The following SBF2 variants were observed in gnomAD, a reference collection of about 807,000 sequenced individuals.
SBF2 encodes the protein myotubularin-related protein 13.
A neutral mutation model predicts 225.2 loss-of-function variants in SBF2; 112 were observed. The ratio of observed to expected loss-of-function variants is 0.50; its 90% CI spans 0.43 to 0.58. The LOEUF (loss-of-function observed/expected upper bound fraction) is 0.58, where lower values mean the gene tolerates loss of function less well. SBF2 is among the 20% of genes least tolerant of loss of function. SBF2 has a pLI of 0.00. For missense variants in SBF2, 1,996 were observed against 2,206.2 expected (o/e 0.90, Z 1.91); for synonymous variants, 763 against 773.3 (o/e 0.99, Z 0.22).
At chr11:10,281,495 T>G (rs181442122) in intron 1 of SBF2, among the ~76,000 whole-genome samples, 1 of 152,250 alleles carries the variant, frequency 6.6e-6, no homozygotes, top group Admixed American at 6.5e-5. Context: ...CTCTTATGCA[T>G]GTCCACATGA....
At chr11:9,993,618 T>C (rs1565105849) in intron 10 of SBF2, among the ~76,000 whole-genome samples, 1 of 152,254 alleles carries the variant, frequency 6.6e-6, no homozygotes, top group Non-Finnish European at 1.5e-5. Flanking sequence ...CCATTTCAAT[T>C]TGATGCTTGG....
intron 2 of SBF2, among the ~76,000 whole-genome samples, chr11:10,154,792 G>A (rs1955389349): frequency 6.6e-6 from 1 of 152,072 alleles, no homozygotes; most frequent in African/African-American, 2.4e-5. Context: ...CTAGCCTAAT[G>A]GCCTTAGAAA....
At chr11:9,938,117 C>A (rs1249705031) in intron 16 of SBF2, among the ~76,000 whole-genome samples, 1 of 151,836 alleles carries the variant, frequency 6.6e-6, no homozygotes, top group Non-Finnish European at 1.5e-5. Context: ...CAGTGAAACC[C>A]CGTCTCCACT....
At chr11:9,860,261 GTTTTT>G (rs66485704) in intron 17 of SBF2, among the ~76,000 whole-genome samples, 1 of 127,410 alleles carries the variant, frequency 7.8e-6, no homozygotes. Context: ...TTTTGAAACA[GTTTTT>G]TTTTTTTTTT....
At chr11:9,929,818 G>C (rs985128362) in intron 16 of SBF2, among the ~76,000 whole-genome samples, 8 of 152,156 alleles carry the variant, frequency 5.3e-5, no homozygotes, top group Non-Finnish European at 1.0e-4. Context: ...CTTTCCAAGA[G>C]TTCGTTGAAT....
intron 1 of SBF2, among the ~76,000 whole-genome samples, chr11:10,211,026 A>AAAAAAAAAG (rs1565358836): frequency 6.7e-6 from 1 of 149,244 alleles, no homozygotes; most frequent in Non-Finnish European, 1.5e-5. Flanking sequence ...AAAAAAAAAA[A>AAAAAAAAAG]AAAAAAAAAG....
intron 1 of SBF2, among the ~76,000 whole-genome samples, chr11:10,225,444 A>G (rs1301252869): frequency 6.6e-6 from 1 of 152,000 alleles, no homozygotes; most frequent in Non-Finnish European, 1.5e-5. Context: ...TGGTATAACA[A>G]TGTTCTTAAG....
chr11:9,855,694 T>C (rs1430483561), intron 19 of SBF2, among the ~76,000 whole-genome samples: 1 of 152,076 alleles, frequency 6.6e-6, no homozygotes, highest in Non-Finnish European at 1.5e-5. Flanking sequence ...AATCAGGTTG[T>C]AAAAAATGAC....
At chr11:9,976,069 C>CTT (rs1425127093) in intron 13 of SBF2, among the ~76,000 whole-genome samples, 258 of 139,588 alleles carry the variant, frequency 1.8e-3, no homozygotes, top group African/African-American at 6.2e-3. Flanking sequence ...TCTTCTTCTT[C>CTT]TTCTTTTTTT....
intron 1 of SBF2, among the ~76,000 whole-genome samples, chr11:10,277,821 G>A (rs1963084504): frequency 6.6e-6 from 1 of 152,196 alleles, no homozygotes; most frequent in African/African-American, 2.4e-5. Flanking sequence ...TGCTGGAAGA[G>A]GGAAAGGAAG....
chr11:9,818,911 G>C (rs1191235970), intron 28 of SBF2, among the ~76,000 whole-genome samples: 1 of 151,690 alleles, frequency 6.6e-6, no homozygotes, highest in Non-Finnish European at 1.5e-5. Flanking sequence ...TAGTAGAGAT[G>C]GGGTTTCACC....
At chr11:10,301,948 A>T (rs1964602421) in intron 1 of SBF2, among the ~76,000 whole-genome samples, 2 of 152,200 alleles carry the variant, frequency 1.3e-5, no homozygotes, top group African/African-American at 2.4e-5. Context: ...GAAATTCTGG[A>T]GCACACAAAA....
chr11:10,019,795 A>C (rs570422120), intron 6 of SBF2, among the ~76,000 whole-genome samples: 109 of 152,336 alleles, frequency 7.2e-4, no homozygotes, highest in Non-Finnish European at 1.1e-3. Context: ...CATTTCAGTA[A>C]AAAGGATAAA....
chr11:10,029,852 G>A lies in SBF2; in HGVS notation c.426C>T (p.Thr142=), dbSNP rs1368217756. ...IFRACLGLIY[T]VYVDSLNVSL... ...AGACATTCAGGCTGTCCACATACAC[G>A]GTATAGATCAAACCCAGGCAAGCCT... The change falls in exon 5 of 40, where the codon ACC becomes ACT. Residue 142 remains threonine (T), a synonymous_variant. Coordinates refer to ENST00000256190, the MANE Select transcript of SBF2 (RefSeq NM_030962.4). The A allele has an allele frequency of 3.4e-5, 55 of 1,613,046 alleles. No homozygotes were observed. The Admixed American group carries it at 8.5e-4, about 25-fold the overall frequency.
intron 28 of SBF2, among the ~76,000 whole-genome samples, chr11:9,818,721 A>C (rs747943274): frequency 6.6e-6 from 1 of 152,124 alleles, no homozygotes; most frequent in Non-Finnish European, 1.5e-5. Context: ...TCAGCTTCAC[A>C]TGCACGAATC....
intron 2 of SBF2, among the ~76,000 whole-genome samples, chr11:10,183,464 GT>G (rs1174964862): frequency 2.0e-5 from 3 of 152,170 alleles, no homozygotes; most frequent in Admixed American, 1.3e-4. Context: ...ATCAGTCACG[GT>G]TTTGACATTC....
At chr11:10,073,553 C>A (rs970662072) in intron 2 of SBF2, among the ~76,000 whole-genome samples, 5 of 151,960 alleles carry the variant, frequency 3.3e-5, no homozygotes, top group African/African-American at 1.2e-4. Context: ...TCTGTCTCTA[C>A]TAATAATACA....
At chr11:10,245,521 A>G (rs1201470464) in intron 1 of SBF2, among the ~76,000 whole-genome samples, 2 of 152,246 alleles carry the variant, frequency 1.3e-5, no homozygotes, top group East Asian at 3.8e-4. Flanking sequence ...GATGTGGAGA[A>G]AAGTGACCCT....
chr11:10,208,431 G>A (rs889145496), intron 1 of SBF2, among the ~76,000 whole-genome samples: 2 of 152,048 alleles, frequency 1.3e-5, no homozygotes, highest in Non-Finnish European at 2.9e-5. Context: ...GTATGATGTA[G>A]AATGAGAAAC....
Sources: allele counts gnomAD v4.1 joint callset (sites outside exome capture counted in the v4.1 genomes callset), GRCh38; gene constraint gnomAD v4.1.1; transcripts MANE v1.5; gene names NCBI Gene and HGNC (gene_info 2026-07-23, HGNC 2026-07-21).